The following KIF6 variants were observed in gnomAD, a reference collection of about 807,000 sequenced individuals.
The protein encoded by KIF6 is kinesin-like protein KIF6.
A neutral mutation model predicts 112.7 loss-of-function variants in KIF6; 106 were observed. The ratio of observed to expected loss-of-function variants is 0.94; its 90% CI spans 0.80 to 1.11. The LOEUF (loss-of-function observed/expected upper bound fraction) is 1.11, where lower values mean the gene tolerates loss of function less well. Among genes scored for constraint, KIF6 ranks in the 50% least tolerant of loss-of-function variants. KIF6 has a pLI of 0.00. For synonymous variants in KIF6, 339 were observed against 339.9 expected (o/e 1.00, Z 0.03); for missense variants, 929 against 964.0 (o/e 0.96, Z 0.48).
chr6:39,455,117 C>T (rs1772977460), intron 13 of KIF6, among the ~76,000 whole-genome samples: 1 of 152,088 alleles, frequency 6.6e-6, no homozygotes, highest in Non-Finnish European at 1.5e-5. Context: ...CTTAAATGTC[C>T]CTGTCTGACA....
intron 15 of KIF6, 79 bp from the exon 16 acceptor site, chr6:39,385,751 C>T (rs1333823630): frequency 1.3e-5 from 8 of 620,534 alleles, no homozygotes; most frequent in African/African-American, 5.5e-5. Context: ...ATGTGGCAAG[C>T]TACAGAAAAA....
chr6:39,500,832 G>T (rs912831465), intron 13 of KIF6, among the ~76,000 whole-genome samples: 8 of 152,108 alleles, frequency 5.3e-5, no homozygotes, highest in Non-Finnish European at 8.8e-5. Context: ...AAGCAGAGAG[G>T]TGGAAGCTCT....
At chr6:39,471,328 T>C (rs1774105615) in intron 13 of KIF6, among the ~76,000 whole-genome samples, 1 of 152,166 alleles carries the variant, frequency 6.6e-6, no homozygotes, top group East Asian at 1.9e-4. Flanking sequence ...ATGATGCCTC[T>C]GCCTGCAGGC....
intron 13 of KIF6, among the ~76,000 whole-genome samples, chr6:39,454,588 C>T (rs1220090568): frequency 6.7e-6 from 1 of 148,914 alleles, no homozygotes; most frequent in Non-Finnish European, 1.5e-5. Flanking sequence ...CGGGTGATTT[C>T]TGCATTTCCA....
intron 3 of KIF6, among the ~76,000 whole-genome samples, chr6:39,683,742 G>A (rs910057328): frequency 8.5e-5 from 13 of 152,202 alleles, no homozygotes; most frequent in African/African-American, 3.1e-4. Flanking sequence ...AGCCGAGTGG[G>A]TAAGGGAATA....
chr6:39,650,841 C>T (rs1785430802), intron 3 of KIF6, among the ~76,000 whole-genome samples: 1 of 151,772 alleles, frequency 6.6e-6, no homozygotes, highest in African/African-American at 2.4e-5. Context: ...TCCTAAAATC[C>T]TGAGTTCTCT....
At chr6:39,635,949 AGAGAATTTGCTTAG>A (rs960456127) in intron 4 of KIF6, among the ~76,000 whole-genome samples, 7 of 152,052 alleles carry the variant, frequency 4.6e-5, no homozygotes, top group African/African-American at 1.7e-4. Context: ...GTATACTAAC[AGAGAATTTGCTTAG>A]GATGACTTTC....
At chr6:39,410,904 T>C (rs1311737477) in intron 15 of KIF6, among the ~76,000 whole-genome samples, 1 of 152,210 alleles carries the variant, frequency 6.6e-6, no homozygotes, top group East Asian at 1.9e-4. Flanking sequence ...AGGTGACCAC[T>C]TTCTGACATA....
chr6:39,648,428 T>C (rs1785293343), intron 3 of KIF6, among the ~76,000 whole-genome samples: 2 of 152,116 alleles, frequency 1.3e-5, no homozygotes, highest in African/African-American at 2.4e-5. Context: ...CTGCTTTGAG[T>C]TGGAATTCAG....
At chr6:39,582,620 G>C (rs1305978355) in intron 9 of KIF6, among the ~76,000 whole-genome samples, 1 of 152,002 alleles carries the variant, frequency 6.6e-6, no homozygotes, top group African/African-American at 2.4e-5. Flanking sequence ...TCTCCATGTT[G>C]ATCCAGCTGG....
intron 16 of KIF6, among the ~76,000 whole-genome samples, chr6:39,380,568 C>A (rs531091396): frequency 6.6e-6 from 1 of 152,040 alleles, no homozygotes; most frequent in Non-Finnish European, 1.5e-5. Flanking sequence ...CACACACACA[C>A]GCACACACCC....
At position 39,343,232 on chromosome 6, in the gene KIF6, T is replaced by C. The variant is rs1457280746; in HGVS notation, c.2428+477A>G. On this transcript the variant is annotated intron_variant, in intron 22 of 22. Transcript: ENST00000287152. This position sits in a 1 kb window ranked among gnomAD's most constrained non-coding sequence, Gnocchi z 4.1. ...CACGCCACTCTTACTTCCTCTGTGATTGTTATGGTGTCCTCGGGCCTGGGC... is the reference window on the plus strand; with the variant it reads ...CACGCCACTCTTACTTCCTCTGTGACTGTTATGGTGTCCTCGGGCCTGGGC... 46 of 1,244,066 alleles carry C rather than the reference T, an allele frequency of 3.7e-5. No homozygotes were observed. Among genetic ancestry groups the C allele is most frequent in the Non-Finnish European group, 4.6e-5 (45 of 969,726 alleles). 77.1% of individuals were successfully genotyped at this position (1,244,066 alleles called of 1,614,324 possible).
At chr6:39,451,020 C>G (rs1186807269) in intron 13 of KIF6, among the ~76,000 whole-genome samples, 6 of 152,070 alleles carry the variant, frequency 3.9e-5, no homozygotes, top group African/African-American at 1.5e-4. Context: ...ATAATATTCA[C>G]CATTGTAGTC....
chr6:39,586,208 G>A (rs1042838124), intron 8 of KIF6, 53 bp downstream of exon 8: 16 of 1,598,890 alleles, frequency 1.0e-5, no homozygotes, highest in African/African-American at 1.3e-5. Context: ...TCCGTCTCAC[G>A]TGCTAGCAGT....
Position 39,340,684 on chromosome 6 carries a change from T to A in KIF6, c.2428+3025A>T, listed in dbSNP as rs537157535. ...CCATACATATTTTAATAAAAGTGCC[T>A]GCCCTTCAATCCAGCTCTCTGCACT... On this transcript the variant is annotated intron_variant, in intron 22 of 22. Transcript: ENST00000287152. Among the ~76,000 whole-genome samples, 4 of 152,286 alleles carry A rather than the reference T, an allele frequency of 2.6e-5. No individual in the cohort carries two copies. In the South Asian group the frequency reaches 6.2e-4, roughly 24 times the overall value.
At chr6:39,722,254 T>C in intron 1 of KIF6, among the ~76,000 whole-genome samples, 1 of 152,302 alleles carries the variant, frequency 6.6e-6, no homozygotes, top group African/African-American at 2.4e-5. Context: ...TATATTTCTC[T>C]GCTCAGCAGA....
intron 3 of KIF6, among the ~76,000 whole-genome samples, chr6:39,708,695 T>A (rs147241435): frequency 2.3e-4 from 35 of 152,312 alleles, no homozygotes; most frequent in African/African-American, 8.4e-4. Flanking sequence ...ATTAGAAAAC[T>A]GGAATTCTGC....
At chr6:39,477,520 T>C (rs1774507330) in intron 13 of KIF6, among the ~76,000 whole-genome samples, 1 of 152,198 alleles carries the variant, frequency 6.6e-6, no homozygotes, top group Admixed American at 6.5e-5. Flanking sequence ...TGGAATACTA[T>C]GCAACTGAGA....
intron 5 of KIF6, among the ~76,000 whole-genome samples, chr6:39,614,434 A>T (rs1402517991): frequency 2.0e-5 from 3 of 152,208 alleles, no homozygotes; most frequent in Non-Finnish European, 4.4e-5. Context: ...ATAAAAACTT[A>T]TTAAGAATAT....
Sources: gnomAD v4.1 joint callset for allele counts (sites outside exome capture counted in the v4.1 genomes callset) on GRCh38, gnomAD v4.1.1 for gene constraint, Gnocchi (gnomAD v3.1) non-coding constraint, MANE v1.5 for transcripts, NCBI Gene and HGNC (gene_info 2026-07-23, HGNC 2026-07-21) for gene names.